HNRNPD: variants seen among roughly 807,000 people sequenced by gnomAD.
HNRNPD encodes the protein heterogeneous nuclear ribonucleoprotein D0.
A neutral mutation model predicts 47.9 loss-of-function variants in HNRNPD; 3 were observed. The ratio of observed to expected loss-of-function variants is 0.06; its 90% confidence interval spans 0.03 to 0.16. The LOEUF (loss-of-function observed/expected upper bound fraction) is 0.16. Among genes scored for constraint, HNRNPD ranks in the 10% least tolerant of loss-of-function variants. HNRNPD has a pLI of 1.00. For synonymous variants in HNRNPD, 171 were observed against 165.1 expected (o/e 1.04, Z -0.28); for missense variants, 287 against 454.2 (o/e 0.63, Z 3.35).
In HNRNPD at chr4:82,373,966, G is replaced by T. The variant is rs1053386869; in HGVS notation, c.-288C>A. 3 of 656,148 alleles carry T rather than the reference G, an allele frequency of 4.6e-6. No individual in the cohort carries two copies. The highest frequency in any genetic ancestry group is 4.8e-6 in the Non-Finnish European group (2 of 419,180). The allele number at this position is 656,148 out of a possible 1,614,324, so 40.6% of individuals were successfully genotyped here. On this transcript the variant is annotated 5_prime_UTR_variant, in exon 1 of 9. Coordinates refer to ENST00000313899, the MANE Select transcript of HNRNPD (RefSeq NM_031370.3). The stretch of plus-strand genomic sequence containing the variant: ...GCCTCCTCCTCGCTTTAATGGCGCC[G>T]CCGCGGACCACCTAAAATGGCCGAC...
chr4:82,358,741 G>C lies in HNRNPD; in HGVS notation c.539C>G (p.Pro180Arg). The part of the protein sequence containing the change: ...KRAKAMKTKE[P>R]VKKIFVGGLS... ...GCCACCAACAAAAATTTTTTTAACC[G>C]GCTCTTTTGTTTTCATGGCTTTGGC... Residue 180 changes from proline (P) to arginine (R), a missense_variant, in exon 4 of 9, where the codon CCG becomes CGG. Pro to Arg is a moderately radical substitution (Grantham distance 103). This residue lies in a region of HNRNPD where 39 missense variants were observed against 113.1 expected (regional missense o/e 0.34). Coordinates refer to ENST00000313899, the MANE Select transcript of HNRNPD (RefSeq NM_031370.3). The C allele has an allele frequency of 1.2e-6, 2 of 1,612,438 alleles. No individual in the cohort carries two copies. The highest frequency in any genetic ancestry group is 1.7e-6 in the Non-Finnish European group (2 of 1,179,628).
chr4:82,355,276 A>AC (rs1242829910), intron 8 of HNRNPD, 28 bp downstream of exon 8: 10 of 1,223,640 alleles, frequency 8.2e-6, no homozygotes, highest in African/African-American at 7.5e-5. Context: ...ATTGTAAATG[A>AC]CAAAAAAAAA....
At chr4:82,367,431 C>T (rs1560438540) in intron 2 of HNRNPD, among the ~76,000 whole-genome samples, 1 of 152,070 alleles carries the variant, frequency 6.6e-6, no homozygotes, top group Non-Finnish European at 1.5e-5. Context: ...TGATTTGTAC[C>T]TTGATGAATT....
chr4:82,361,844 AGT>A (rs1719456308), intron 2 of HNRNPD, among the ~76,000 whole-genome samples: 1 of 152,196 alleles, frequency 6.6e-6, no homozygotes, highest in Non-Finnish European at 1.5e-5. Context: ...CCCCACCTTT[AGT>A]ATGGTAGTTG....
Position 82,373,956 on chromosome 4 carries a change from T to A in HNRNPD, c.-278A>T. ...GGCCGCTCTCGCCTCCTCCTCGCTTTAATGGCGCCGCCGCGGACCACCTAA... is the reference window on the plus strand; with the variant it reads ...GGCCGCTCTCGCCTCCTCCTCGCTTAAATGGCGCCGCCGCGGACCACCTAA... On this transcript the variant is annotated 5_prime_UTR_variant, in exon 1 of 9. Transcript: ENST00000313899. The A allele has an allele frequency of 2.9e-6, 2 of 693,380 alleles. No homozygotes were observed. The highest frequency in any genetic ancestry group is 4.4e-6 in the Non-Finnish European group (2 of 453,100). The allele number at this position is 693,380 out of a possible 1,614,324, so 43.0% of individuals were successfully genotyped here.
At chr4:82,361,911 AAACT>A (rs1391889178) in intron 2 of HNRNPD, among the ~76,000 whole-genome samples, 1 of 152,170 alleles carries the variant, frequency 6.6e-6, no homozygotes, top group East Asian at 1.9e-4. Context: ...TATCCCTCCT[AAACT>A]AATAATCAAA....
Position 82,367,700 on chromosome 4 carries a change from C to G in HNRNPD, c.290+3828G>C, listed in dbSNP as rs534265699. Among the ~76,000 whole-genome samples the G allele has an allele frequency of 5.3e-5, 8 of 152,158 alleles. No individual in the cohort carries two copies. The South Asian group carries it at 1.7e-3, about 31-fold the overall frequency. On this transcript the variant is annotated intron_variant, in intron 2 of 8. Transcript: ENST00000313899. The stretch of plus-strand genomic sequence containing the variant: ...ACCTTGATTACTGGCCAAGCACCAC[C>G]AGTAAATTGGAGTCTTCCCTCCCCA...
intron 1 of HNRNPD, among the ~76,000 whole-genome samples, chr4:82,371,880 AC>A (rs1720062748): frequency 6.6e-6 from 1 of 151,990 alleles, no homozygotes; most frequent in Admixed American, 6.5e-5. Flanking sequence ...TAAGCTATAT[AC>A]AATTCGAGTT....
rs1024566792 is a variant in HNRNPD at position 82,373,070 on chromosome 4, C to G, written c.233+376G>C. ...TGTGTCTGTGTTTTTATGCCCAAGA[C>G]TGTAGAAAAAGGGAAAAAGAGGGGA... On this transcript the variant is annotated intron_variant, in intron 1 of 8. Transcript: ENST00000313899. 45 of 476,406 alleles carry G rather than the reference C, an allele frequency of 9.4e-5. 1 individual carries two copies. The highest frequency in any genetic ancestry group is 9.3e-4 in the Middle Eastern group (3 of 3,212). The allele number at this position is 476,406 out of a possible 1,614,324, so 29.5% of individuals were successfully genotyped here.
intron 2 of HNRNPD, among the ~76,000 whole-genome samples, chr4:82,365,670 T>C (rs1212065874): frequency 6.6e-6 from 1 of 152,036 alleles, no homozygotes; most frequent in Non-Finnish European, 1.5e-5. Context: ...AATGGTGTGA[T>C]CCTGGCTCAC....
intron 2 of HNRNPD, among the ~76,000 whole-genome samples, chr4:82,362,755 C>T (rs1349256246): frequency 2.0e-5 from 3 of 152,004 alleles, no homozygotes; most frequent in African/African-American, 7.2e-5. Flanking sequence ...TGCACCACCA[C>T]GCCTGACTTG....
intron 2 of HNRNPD, among the ~76,000 whole-genome samples, chr4:82,360,880 CCA>C (rs960980415): frequency 3.7e-4 from 57 of 152,160 alleles, no homozygotes; most frequent in Admixed American, 7.2e-4. Flanking sequence ...TACTATCCTA[CCA>C]CAGTCTTGTT....
chr4:82,355,610 G>A lies in HNRNPD; in HGVS notation c.1001-209C>T. On this transcript the variant is annotated intron_variant, in intron 7 of 8. Transcript: ENST00000313899. The stretch of plus-strand genomic sequence containing the variant: ...GGCATTCAGAATGAGCTGATTACTT[G>A]ACTTATTGTATAAAATGGGAGACAA... 1.1e-5 allele frequency: 6 copies of A among 562,464 alleles called. No homozygotes were observed. The South Asian group carries it at 1.5e-4, about 14-fold the overall frequency. The allele number at this position is 562,464 out of a possible 1,614,324, so 34.8% of individuals were successfully genotyped here. A position where few individuals can be genotyped will look rare whatever the true frequency, so the allele number is the denominator to read the frequency against.
intron 2 of HNRNPD, among the ~76,000 whole-genome samples, chr4:82,367,744 T>C (rs992320403): frequency 6.6e-6 from 1 of 152,170 alleles, no homozygotes; most frequent in African/African-American, 2.4e-5. Context: ...TATTCTTAAA[T>C]ACCTAGCTCC....
chr4:82,366,298 C>T (rs1004499167), intron 2 of HNRNPD, among the ~76,000 whole-genome samples: 1 of 152,142 alleles, frequency 6.6e-6, no homozygotes, highest in African/African-American at 2.4e-5. Flanking sequence ...GGCTGGAGTG[C>T]GGTGGCGCGA....
At chr4:82,373,050 CTG>C (rs766324289) in intron 1 of HNRNPD, 14 of 450,498 alleles carry the variant, frequency 3.1e-5, no homozygotes, top group Admixed American at 1.0e-4. Context: ...CTGTTTGTGT[CTG>C]TGTTTTTATG....
intron 2 of HNRNPD, among the ~76,000 whole-genome samples, chr4:82,364,837 G>A (rs1219610351): frequency 6.6e-6 from 1 of 152,168 alleles, no homozygotes; most frequent in African/African-American, 2.4e-5. Context: ...AAAATGTTCC[G>A]ATTTAATAAT....
At chr4:82,355,681 A>T (rs945273974) in intron 7 of HNRNPD, 12 of 425,506 alleles carry the variant, frequency 2.8e-5, no homozygotes, top group Middle Eastern at 6.0e-4. Context: ...CAAAGGATGG[A>T]CAGCTGACCC....
intron 2 of HNRNPD, among the ~76,000 whole-genome samples, chr4:82,366,955 A>C (rs1260681270): frequency 6.6e-6 from 1 of 151,930 alleles, no homozygotes; most frequent in Non-Finnish European, 1.5e-5. Context: ...CCTGGGCTCA[A>C]CACATTCTCC....
Sources: allele counts gnomAD v4.1 joint callset (sites outside exome capture counted in the v4.1 genomes callset), GRCh38; gene constraint gnomAD v4.1.1; regional missense constraint gnomAD v4.1.1; transcripts MANE v1.5; gene names NCBI Gene and HGNC (gene_info 2026-07-23, HGNC 2026-07-21).